Variants in NR2C1 observed in about 807,000 individuals in gnomAD.
NR2C1 encodes the protein nuclear receptor subfamily 2 group C member 1, also known as TR2 nuclear hormone receptor.
A neutral mutation model predicts 74.8 loss-of-function variants in NR2C1; 33 were observed. The observed-to-expected ratio is 0.44, with a 90% CI of 0.33 to 0.59. The LOEUF (loss-of-function observed/expected upper bound fraction) is 0.59. Ranked by LOEUF, NR2C1 falls within the 20% of genes least tolerant of loss-of-function variation. The pLI is 0.02. For synonymous variants in NR2C1, 225 were observed against 240.6 expected (o/e 0.94, Z 0.60); for missense variants, 568 against 715.6 (o/e 0.79, Z 2.35).
intron 8 of NR2C1, among the ~76,000 whole-genome samples, chr12:95,051,256 C>A (rs1050410952): frequency 2.6e-5 from 4 of 152,096 alleles, no homozygotes; most frequent in African/African-American, 9.7e-5. Context: ...GGGTTGCAGT[C>A]AAAAAGCAGG....
At chr12:95,059,014 T>A (rs1874336965) in intron 4 of NR2C1, among the ~76,000 whole-genome samples, 1 of 152,178 alleles carries the variant, frequency 6.6e-6, no homozygotes, top group African/African-American at 2.4e-5. Context: ...TAAAAAATGT[T>A]TCTACAGCTG....
chr12:95,062,197 A>G (rs990090405), intron 3 of NR2C1, among the ~76,000 whole-genome samples: 22 of 152,238 alleles, frequency 1.4e-4, no homozygotes, highest in African/African-American at 5.1e-4. Context: ...AACCTGGCCT[A>G]GAACTGTTTC....
intron 4 of NR2C1, among the ~76,000 whole-genome samples, chr12:95,059,642 T>C (rs2136182890): frequency 6.6e-6 from 1 of 151,998 alleles, no homozygotes; most frequent in African/African-American, 2.4e-5. Context: ...ATCCAGGAGG[T>C]AGAGGCTGCA....
chr12:95,023,786 G>C (rs995138515), intron 13 of NR2C1, among the ~76,000 whole-genome samples: 6 of 152,198 alleles, frequency 3.9e-5, no homozygotes, highest in African/African-American at 1.4e-4. Flanking sequence ...GTAAAAAACT[G>C]AGAAAGCTGC....
chr12:95,057,261 C>A (rs1257550612), intron 7 of NR2C1, among the ~76,000 whole-genome samples: 1 of 151,632 alleles, frequency 6.6e-6, no homozygotes, highest in African/African-American at 2.4e-5. Flanking sequence ...TGCGCCACCA[C>A]GCCCAGTTAA....
In NR2C1 at chr12:95,057,856, G is replaced by A. The variant is rs766500377; in HGVS notation, c.567C>T (p.Pro189=). 2 of 1,613,602 alleles carry A rather than the reference G, an allele frequency of 1.2e-6. No homozygotes were observed. Among genetic ancestry groups the A allele is most frequent in the Non-Finnish European group, 8.5e-7 (1 of 1,179,686 alleles). ...KQDSVQCERK[P]IEVSREKSSN... ...AAGATTTTTCTCGTGATACTTCAAT[G>A]GGTTTTCTTTCACATTGGACAGCTA... The change falls in exon 6 of 14, where the codon CCC becomes CCT. Residue 189 remains proline, a synonymous_variant. Coordinates refer to ENST00000333003, the MANE Select transcript of NR2C1 (RefSeq NM_003297.4).
intron 1 of NR2C1, chr12:95,073,090 G>C (rs1876970453): frequency 6.6e-6 from 1 of 152,290 alleles, no homozygotes; most frequent in Non-Finnish European, 1.5e-5. Flanking sequence ...GGTAAGCGCA[G>C]CTGGAAAGGG....
At chr12:95,030,897 A>G in intron 11 of NR2C1, 1 of 1,573,998 alleles carries the variant, frequency 6.4e-7, no homozygotes, top group East Asian at 2.2e-5. Flanking sequence ...AACAGAATAA[A>G]AAGGATTGTT....
At chr12:95,069,133 A>G (rs1876191115) in intron 1 of NR2C1, among the ~76,000 whole-genome samples, 2 of 152,238 alleles carry the variant, frequency 1.3e-5, no homozygotes, top group Non-Finnish European at 2.9e-5. Context: ...TTGCTTAAAT[A>G]CAAGGATTAC....
At chr12:95,064,774 G>C (rs1215367695) in intron 2 of NR2C1, among the ~76,000 whole-genome samples, 2 of 152,120 alleles carry the variant, frequency 1.3e-5, no homozygotes, top group Non-Finnish European at 2.9e-5. Flanking sequence ...TTTTAAAATG[G>C]CAAAGTCCGT....
intron 3 of NR2C1, among the ~76,000 whole-genome samples, chr12:95,061,010 T>C (rs1045351487): frequency 1.3e-5 from 2 of 152,224 alleles, no homozygotes; most frequent in Non-Finnish European, 2.9e-5. Context: ...TAATCTTTTA[T>C]CTATTATTCC....
In NR2C1 at chr12:95,025,130, T is replaced by C. The variant is rs748739099; in HGVS notation, c.1637+20A>G. 1.8e-6 allele frequency: 2 copies of C among 1,104,652 alleles called. No homozygotes were observed. The highest frequency in any genetic ancestry group is 2.7e-6 in the Non-Finnish European group (2 of 754,396). The allele number at this position is 1,104,652 out of a possible 1,614,324, so 68.4% of individuals were successfully genotyped here. ...AGGTTTTTCAATTATTTTAATTATATAGAATTTAACTCTAGATACCTGTAG... is the reference window on the plus strand; with the variant it reads ...AGGTTTTTCAATTATTTTAATTATACAGAATTTAACTCTAGATACCTGTAG... On this transcript the variant is annotated intron_variant, in intron 13 of 13. Coordinates refer to ENST00000333003, the MANE Select transcript of NR2C1 (RefSeq NM_003297.4).
intron 7 of NR2C1, among the ~76,000 whole-genome samples, chr12:95,054,074 C>T (rs1377314663): frequency 3.3e-5 from 5 of 152,132 alleles, no homozygotes; most frequent in Admixed American, 6.5e-5. Context: ...TTTGGTGAAT[C>T]AGTAGAATAA....
intron 11 of NR2C1, chr12:95,030,554 ATAAG>A (rs1869953409): frequency 6.2e-7 from 1 of 1,612,548 alleles, no homozygotes; most frequent in Non-Finnish European, 8.5e-7. Flanking sequence ...GTAGGAGTCC[ATAAG>A]TAAGATGGGA....
intron 1 of NR2C1, among the ~76,000 whole-genome samples, chr12:95,072,273 A>AAAAAAC (rs1206678477): frequency 1.6e-4 from 24 of 146,570 alleles, no homozygotes; most frequent in African/African-American, 4.8e-4. Flanking sequence ...CTAAAAATAC[A>AAAAAAC]AAAAACAAAA....
At chr12:95,057,495 T>C in intron 7 of NR2C1, 58 bp downstream of exon 7, 1 of 1,260,694 alleles carries the variant, frequency 7.9e-7, no homozygotes, top group South Asian at 1.4e-5. Flanking sequence ...AAGGAAGTGA[T>C]TAGAAAACAT....
chr12:95,061,231 T>C (rs1874734845), intron 3 of NR2C1, among the ~76,000 whole-genome samples: 1 of 152,178 alleles, frequency 6.6e-6, no homozygotes, highest in South Asian at 2.1e-4. Flanking sequence ...CAATAAGGTA[T>C]CCTGGATGGG....
At chr12:95,067,810 G>A (rs1295087634) in intron 1 of NR2C1, among the ~76,000 whole-genome samples, 1 of 150,726 alleles carries the variant, frequency 6.6e-6, no homozygotes, top group African/African-American at 2.4e-5. Context: ...CAATCTTCCT[G>A]TCTCGACCTC....
intron 11 of NR2C1, 89 bp downstream of exon 11, chr12:95,031,260 A>G (rs1592728624): frequency 1.3e-6 from 1 of 763,384 alleles, no homozygotes; most frequent in Non-Finnish European, 1.9e-6. Flanking sequence ...TAATATAATA[A>G]TTATTAGATA....
Sources: gnomAD v4.1 joint callset for allele counts (sites outside exome capture counted in the v4.1 genomes callset) on GRCh38, gnomAD v4.1.1 for gene constraint, MANE v1.5 for transcripts, NCBI Gene and HGNC (gene_info 2026-07-23, HGNC 2026-07-21) for gene names.